The following BCAR1 variants were observed in gnomAD, a reference collection of about 807,000 sequenced individuals.
BCAR1 encodes breast cancer anti-estrogen resistance protein 1.
BCAR1 carries 30 observed loss-of-function variants against 67.6 expected under a neutral mutation model. That is an observed-to-expected ratio of 0.44 (90% CI 0.33 to 0.60). The LOEUF (loss-of-function observed/expected upper bound fraction) is 0.60, where lower values mean the gene tolerates loss of function less well. Among genes scored for constraint, BCAR1 ranks in the 20% least tolerant of loss-of-function variants. The pLI is 0.02. For missense variants in BCAR1, 1,313 were observed against 1,222.3 expected, an observed-to-expected ratio of 1.07 and a Z score of -1.11; for synonymous variants, 626 against 556.7, an observed-to-expected ratio of 1.12 and a Z score of -1.75.
chr16:75,252,434 C>T (rs2077701013), upstream of BCAR1: 5 of 1,436,386 alleles, frequency 3.5e-6, no homozygotes, highest in South Asian at 4.4e-5. Context: ...AAGAATCACT[C>T]GGGGGAAACC....
intron 1 of BCAR1, among the ~76,000 whole-genome samples, chr16:75,256,774 C>G (rs1597276060): frequency 6.6e-6 from 1 of 152,248 alleles, no homozygotes; most frequent in African/African-American, 2.4e-5. Context: ...TCCGCCCACC[C>G]CAGCAACCCC....
At chr16:75,255,901 G>A (rs569675505), upstream of BCAR1, among the ~76,000 whole-genome samples, 1 of 152,216 alleles carries the variant, frequency 6.6e-6, no homozygotes, top group East Asian at 1.9e-4. Flanking sequence ...TGAGGCTGGA[G>A]AATCACTTGA....
intron 1 of BCAR1, chr16:75,265,739 G>A (rs1440090561): frequency 1.9e-5 from 22 of 1,185,206 alleles, no homozygotes; most frequent in Non-Finnish European, 2.1e-5. Context: ...GGGAGCCAAC[G>A]CGGCATCAGG....
intron 1 of BCAR1, chr16:75,264,092 C>A (rs1255783384): frequency 2.4e-6 from 3 of 1,250,128 alleles, no homozygotes; most frequent in Non-Finnish European, 3.0e-6. Context: ...GGCTGCAGGT[C>A]CCCACGACAG....
Position 75,248,126 on chromosome 16 carries a change from A to C in BCAR1, c.12+3345T>G, listed in dbSNP as rs117757420. ...GCCCAGGGTCACTGAGTCCAGAAGC[A>C]GCAGAGGCCGACCCCAGGCTGAGAC... On this transcript the variant is annotated intron_variant, in intron 1 of 6. Coordinates refer to ENST00000162330, the MANE Select transcript of BCAR1 (RefSeq NM_014567.5). 4.4e-6 allele frequency: 7 copies of C among 1,596,736 alleles called. No homozygotes were observed. The Admixed American group carries it at 1.2e-4, about 27-fold the overall frequency.
intron 1 of BCAR1, among the ~76,000 whole-genome samples, chr16:75,243,994 G>A (rs1052991303): frequency 2.6e-5 from 4 of 152,214 alleles, no homozygotes; most frequent in Non-Finnish European, 5.9e-5. Flanking sequence ...GGGAGGCACG[G>A]GGTGAGACAA....
In BCAR1 at chr16:75,228,389, G is replaced by C. The variant is rs1343943410; in HGVS notation, c.*1122C>G. The C allele has an allele frequency of 6.6e-6, 1 of 152,252 alleles. No individual in the cohort carries two copies. The highest frequency in any genetic ancestry group is 1.5e-5 in the Non-Finnish European group (1 of 68,078). The allele number at this position is 152,252 out of a possible 1,614,324, so 9.4% of individuals were successfully genotyped here. A position where few individuals can be genotyped will look rare whatever the true frequency, so the allele number is the denominator to read the frequency against. On this transcript the variant is annotated 3_prime_UTR_variant, in exon 7 of 7. Coordinates refer to ENST00000162330, the MANE Select transcript of BCAR1 (RefSeq NM_014567.5). ...CCATGTTCATATGCAGAACGGTCAG[G>C]GCTGGGAGCAGCACCAGGGGTTCCA...
At chr16:75,237,025 C>A (rs372798915) in intron 3 of BCAR1, 27 bp from the exon 4 acceptor site, 7 of 1,560,560 alleles carry the variant, frequency 4.5e-6, no homozygotes, top group Non-Finnish European at 5.2e-6. Flanking sequence ...GCAGGGTTAA[C>A]GGCGCCAGGG....
intron 2 of BCAR1, among the ~76,000 whole-genome samples, chr16:75,241,548 C>T (rs543200253): frequency 3.0e-4 from 46 of 152,318 alleles, no homozygotes; most frequent in Middle Eastern, 6.8e-3. Flanking sequence ...TCGCCTCTGA[C>T]CAGATGGCTG....
upstream of BCAR1, among the ~76,000 whole-genome samples, chr16:75,254,402 G>C (rs2077736400): frequency 6.6e-6 from 1 of 152,178 alleles, no homozygotes; most frequent in Non-Finnish European, 1.5e-5. Context: ...ACTAAGTTTA[G>C]CCCCATTGGT....
Position 75,238,803 on chromosome 16 carries a change from C to T in BCAR1, c.634-1459G>A, listed in dbSNP as rs922544909. On this transcript the variant is annotated intron_variant, in intron 2 of 6. Transcript: ENST00000162330. ...ATTTTTAGATGCAGGGACCTGCCAA[C>T]AGCGGGGCAGGCGGGGCGGAGGGAC... The T allele has an allele frequency of 4.1e-6, 4 of 985,446 alleles. No homozygotes were observed. The East Asian group carries it at 3.4e-4, about 84-fold the overall frequency. 61.0% of individuals were successfully genotyped at this position (985,446 alleles called of 1,614,324 possible). A position where few individuals can be genotyped will look rare whatever the true frequency, so the allele number is the denominator to read the frequency against.
intron 1 of BCAR1, chr16:75,263,221 C>T: frequency 1.0e-6 from 1 of 982,442 alleles, no homozygotes; most frequent in East Asian, 1.2e-4. Context: ...AGGGAGGCCT[C>T]TCTGCAGCTG....
chr16:75,266,859 G>A, intron 1 of BCAR1: 1 of 1,164,116 alleles, frequency 8.6e-7, no homozygotes, highest in Non-Finnish European at 1.1e-6. Context: ...GACGGAGCCA[G>A]CTCCATGAGG....
upstream of BCAR1, chr16:75,252,517 G>A: frequency 9.4e-7 from 1 of 1,063,544 alleles, no homozygotes; most frequent in Non-Finnish European, 1.3e-6. Flanking sequence ...ACCCCATGCA[G>A]CAGAACCAGG....
chr16:75,229,977 T>G lies in BCAR1; in HGVS notation c.2147A>C (p.Asp716Ala). The G allele has an allele frequency of 6.3e-7, 1 of 1,579,460 alleles. No individual in the cohort carries two copies. Among genetic ancestry groups the G allele is most frequent in the South Asian group, 1.2e-5 (1 of 86,122 alleles). The change falls in exon 7 of 7, where the codon GAC becomes GCC. Residue 716 changes from aspartate (D) to alanine (A), a missense_variant. By Grantham distance (126) the Asp-to-Ala change is moderately radical (BLOSUM62 -2). Around this residue, in one of 2 missense-constraint regions of BCAR1, gnomAD observed 1,272 missense variants for 1,137.5 expected, o/e 1.12. Transcript: ENST00000162330. The part of the protein sequence containing the change: ...RLEQEVSRPI[D>A]HDLANWTPAQ... ...TGGCGTCCAGTTGGCCAGGTCGTGG[T>G]CTATGGGCCGTGACACCTCCTGTTC... is the stretch of plus-strand genomic sequence containing the variant.
chr16:75,264,783 G>C (rs1567627944), intron 1 of BCAR1: 4 of 547,732 alleles, frequency 7.3e-6, no homozygotes, highest in Non-Finnish European at 2.6e-6. Context: ...GGGGTCCTCC[G>C]GGTGAGGAGC....
chr16:75,229,512 C>T lies in BCAR1; in HGVS notation c.2612G>A (p.Ter871=). The T allele has an allele frequency of 2.6e-6, 4 of 1,563,844 alleles. No individual in the cohort carries two copies. The highest frequency in any genetic ancestry group is 4.6e-5 in the East Asian group (2 of 43,552). Residue 871 remains the stop codon, a stop_retained_variant, in exon 7 of 7, where the codon TGA becomes TAA. Transcript: ENST00000162330. ...GCCTCCCTCCTGGGGTCACCACCCT[C>T]AGGCGGCTGCCAGCTGGCCTAGGAC... ...RRVLGQLAAA[*] is the part of the protein sequence containing the mutation.
chr16:75,239,185 C>T lies in BCAR1; in HGVS notation c.634-1841G>A, dbSNP rs917408344. 4.0e-5 allele frequency: 36 copies of T among 896,418 alleles called. 1 individual carries two copies. The African/African-American group carries it at 6.3e-4, about 16-fold the overall frequency. 55.5% of individuals were successfully genotyped at this position (896,418 alleles called of 1,614,324 possible). On this transcript the variant is annotated intron_variant, in intron 2 of 6. Coordinates refer to ENST00000162330, the MANE Select transcript of BCAR1 (RefSeq NM_014567.5). The stretch of plus-strand genomic sequence containing the variant: ...GGAATGACTCAGCCCCACTGCTAAT[C>T]ACAGGCCACCCTGCTGCACACCTGA...
At chr16:75,236,110 G>A (rs999759490) in intron 4 of BCAR1, 124 bp from the exon 5 acceptor site, 12 of 1,246,464 alleles carry the variant, frequency 9.6e-6, no homozygotes, top group East Asian at 5.1e-5. Flanking sequence ...ACAGAGGCAC[G>A]CGCACACACA....
Sources: allele counts gnomAD v4.1 joint callset (sites outside exome capture counted in the v4.1 genomes callset), GRCh38; gene constraint gnomAD v4.1.1; regional missense constraint gnomAD v4.1.1; transcripts MANE v1.5; gene names NCBI Gene and HGNC (gene_info 2026-07-23, HGNC 2026-07-21).